FHIT: variants seen among roughly 807,000 people sequenced by gnomAD.
FHIT encodes bis(5'-adenosyl)-triphosphatase.
Under a neutral mutation model 17.9 loss-of-function variants are expected in FHIT, and 19 were observed. The observed-to-expected ratio is 1.06, with a 90% CI of 0.74 to 1.56. The LOEUF (loss-of-function observed/expected upper bound fraction) is 1.56, where lower values mean the gene tolerates loss of function less well. FHIT is among the 40% of genes most tolerant of loss of function. The probability of loss-of-function intolerance (pLI) is 0.00; values close to 1 mark genes in which losing one functional copy is unlikely to be tolerated. For missense variants in FHIT, 248 were observed against 189.2 expected (o/e 1.31, Z -1.82); for synonymous variants, 81 against 69.7 (o/e 1.16, Z -0.81).
At chr3:59,891,460 C>A (rs1246701445) in intron 8 of FHIT, among the ~76,000 whole-genome samples, 1 of 152,214 alleles carries the variant, frequency 6.6e-6, no homozygotes, top group South Asian at 2.1e-4. Context: ...CTGAGAAGGA[C>A]TGAGGCTGCA....
chr3:61,092,474 G>A (rs1436691388), intron 2 of FHIT, among the ~76,000 whole-genome samples: 1 of 151,516 alleles, frequency 6.6e-6, no homozygotes, highest in East Asian at 1.9e-4. Context: ...AAAGGCCCCA[G>A]AGCTCTAAAG....
chr3:60,600,937 C>CAG (rs2038425654), intron 4 of FHIT, among the ~76,000 whole-genome samples: 1 of 152,126 alleles, frequency 6.6e-6, no homozygotes, highest in South Asian at 2.1e-4. Context: ...TTTTTGGAGG[C>CAG]AGAGCACAGA....
At chr3:60,365,287 A>T (rs1325445966) in intron 5 of FHIT, among the ~76,000 whole-genome samples, 1 of 151,958 alleles carries the variant, frequency 6.6e-6, no homozygotes, top group East Asian at 1.9e-4. Flanking sequence ...AGGCAAGTTA[A>T]CCAGATATAC....
chr3:60,651,002 G>GT (rs373713995), intron 4 of FHIT, among the ~76,000 whole-genome samples: 1 of 151,740 alleles, frequency 6.6e-6, no homozygotes, highest in Non-Finnish European at 1.5e-5. Flanking sequence ...GTTTTGTTTT[G>GT]TTTTTTACCT....
chr3:61,047,783 G>A (rs1331803746), intron 2 of FHIT, among the ~76,000 whole-genome samples: 1 of 151,666 alleles, frequency 6.6e-6, no homozygotes, highest in Non-Finnish European at 1.5e-5. Flanking sequence ...CAGAGATATA[G>A]ACCAATGGAA....
chr3:60,340,759 G>A (rs998584352), intron 5 of FHIT, among the ~76,000 whole-genome samples: 1 of 152,104 alleles, frequency 6.6e-6, no homozygotes, highest in Non-Finnish European at 1.5e-5. Context: ...CCAGGCTGCA[G>A]TGCAGTGGCG....
intron 2 of FHIT, among the ~76,000 whole-genome samples, chr3:61,049,589 C>G (rs2033948835): frequency 6.6e-6 from 1 of 152,110 alleles, no homozygotes; most frequent in Non-Finnish European, 1.5e-5. Context: ...ATCATTATTT[C>G]CTTCATGCTG....
intron 2 of FHIT, among the ~76,000 whole-genome samples, chr3:61,150,877 G>T (rs1467170980): frequency 6.6e-6 from 1 of 152,086 alleles, no homozygotes; most frequent in Non-Finnish European, 1.5e-5. Flanking sequence ...AATAGGCCTA[G>T]CACCAAATAT....
At chr3:60,020,991 A>T (rs1290960928) in intron 5 of FHIT, among the ~76,000 whole-genome samples, 1 of 152,224 alleles carries the variant, frequency 6.6e-6, no homozygotes, top group Non-Finnish European at 1.5e-5. Context: ...AGTGGGGATT[A>T]ACATACTCAT....
At chr3:59,921,823 A>G (rs1457380444) in intron 8 of FHIT, among the ~76,000 whole-genome samples, 1 of 152,226 alleles carries the variant, frequency 6.6e-6, no homozygotes, top group Non-Finnish European at 1.5e-5. Flanking sequence ...GTACTTAGAA[A>G]TAAATTAACT....
chr3:60,201,777 C>G (rs1345989287), intron 5 of FHIT, among the ~76,000 whole-genome samples: 1 of 151,736 alleles, frequency 6.6e-6, no homozygotes, highest in African/African-American at 2.4e-5. Context: ...TATATTGGAT[C>G]TAAGACTACC....
intron 5 of FHIT, among the ~76,000 whole-genome samples, chr3:60,488,915 A>T (rs2033952032): frequency 6.6e-6 from 1 of 152,196 alleles, no homozygotes; most frequent in Non-Finnish European, 1.5e-5. Context: ...CAATGACTGC[A>T]AATGAACAAA....
At chr3:60,427,571 T>G (rs1213784144) in intron 5 of FHIT, among the ~76,000 whole-genome samples, 1 of 152,122 alleles carries the variant, frequency 6.6e-6, no homozygotes, top group East Asian at 1.9e-4. Context: ...ACCCTCTGCC[T>G]TCCCTCTGTC....
chr3:59,864,315 A>G (rs746866449), intron 8 of FHIT, among the ~76,000 whole-genome samples: 1 of 151,916 alleles, frequency 6.6e-6, no homozygotes, highest in Non-Finnish European at 1.5e-5. Context: ...GTCTCACAAA[A>G]TCTCATGGGT....
intron 8 of FHIT, among the ~76,000 whole-genome samples, chr3:59,880,456 C>T (rs1249562557): frequency 6.6e-6 from 1 of 152,142 alleles, no homozygotes; most frequent in Non-Finnish European, 1.5e-5. Flanking sequence ...AATTTCCAGG[C>T]TTCTAGCACT....
intron 3 of FHIT, among the ~76,000 whole-genome samples, chr3:60,987,515 A>T (rs2029863029): frequency 1.3e-5 from 2 of 152,246 alleles, no homozygotes; most frequent in South Asian, 4.1e-4. Flanking sequence ...TTAATTTAGT[A>T]TCTATAGAAA....
At chr3:59,934,716 T>G (rs1382391609) in intron 7 of FHIT, among the ~76,000 whole-genome samples, 1 of 152,072 alleles carries the variant, frequency 6.6e-6, no homozygotes, top group Non-Finnish European at 1.5e-5. Flanking sequence ...CATATCCTTC[T>G]TCACATGGGG....
chr3:60,856,036 G>A (rs1703367730), intron 3 of FHIT, among the ~76,000 whole-genome samples: 1 of 152,120 alleles, frequency 6.6e-6, no homozygotes, highest in African/African-American at 2.4e-5. Context: ...AATTATGATG[G>A]TGTTTCAGTT....
At chr3:60,867,547 T>C (rs1178319380) in intron 3 of FHIT, among the ~76,000 whole-genome samples, 1 of 152,174 alleles carries the variant, frequency 6.6e-6, no homozygotes, top group African/African-American at 2.4e-5. Flanking sequence ...CTATTACAGA[T>C]ACTACTTGTT....
Sources: allele counts gnomAD v4.1 joint callset (sites outside exome capture counted in the v4.1 genomes callset), GRCh38; gene constraint gnomAD v4.1.1; transcripts MANE v1.5; gene names NCBI Gene and HGNC (gene_info 2026-07-23, HGNC 2026-07-21).